Variants in BMPER observed in about 807,000 individuals in gnomAD.
BMPER encodes BMP binding endothelial regulator, also known as BMP-binding endothelial regulator protein.
Under a neutral mutation model 87.3 loss-of-function variants are expected in BMPER, and 45 were observed. The observed-to-expected ratio is 0.52, with a 90% CI of 0.41 to 0.66. BMPER has a LOEUF of 0.66. Among genes scored for constraint, BMPER ranks in the 30% least tolerant of loss-of-function variants. The pLI is 0.00. For missense variants in BMPER, 784 were observed against 867.5 expected, an observed-to-expected ratio of 0.90 and a Z score of 1.21; for synonymous variants, 326 against 316.2, an observed-to-expected ratio of 1.03 and a Z score of -0.33.
intron 11 of BMPER, among the ~76,000 whole-genome samples, chr7:34,068,626 G>GT (rs939727368): frequency 4.6e-5 from 7 of 151,588 alleles, no homozygotes; most frequent in Non-Finnish European, 7.4e-5. Flanking sequence ...AGTTTTTCCA[G>GT]TTTTTTTTTC....
chr7:33,955,000 C>T (rs935984833), intron 3 of BMPER, among the ~76,000 whole-genome samples: 3 of 152,176 alleles, frequency 2.0e-5, no homozygotes, highest in Admixed American at 1.3e-4. Flanking sequence ...CGGGTTCAAG[C>T]GATTCTCCTG....
chr7:33,954,623 A>C (rs1332624577), intron 3 of BMPER, among the ~76,000 whole-genome samples: 1 of 152,216 alleles, frequency 6.6e-6, no homozygotes, highest in Non-Finnish European at 1.5e-5. Context: ...CAGAGTTACT[A>C]ATGAAAGAAA....
At chr7:34,031,059 A>G (rs906174283) in intron 6 of BMPER, among the ~76,000 whole-genome samples, 1 of 152,138 alleles carries the variant, frequency 6.6e-6, no homozygotes, top group African/African-American at 2.4e-5. Flanking sequence ...CAGGCTGGGA[A>G]TACGACAATT....
intron 3 of BMPER, among the ~76,000 whole-genome samples, chr7:33,960,403 TA>T (rs573991857): frequency 2.1e-4 from 32 of 152,264 alleles, no homozygotes; most frequent in African/African-American, 7.0e-4. Context: ...AGTGGTTCAT[TA>T]AAAAAATTGT....
chr7:33,977,023 T>C (rs550876457), intron 6 of BMPER, among the ~76,000 whole-genome samples: 2 of 152,322 alleles, frequency 1.3e-5, no homozygotes, highest in African/African-American at 4.8e-5. Flanking sequence ...TCCTCAGCAC[T>C]CAAAGGGCAA....
intron 13 of BMPER, among the ~76,000 whole-genome samples, chr7:34,096,562 G>A (rs1034546130): frequency 2.0e-5 from 3 of 152,064 alleles, no homozygotes; most frequent in African/African-American, 7.2e-5. Context: ...CTGTTTATTC[G>A]GAAATCTGAG....
rs1183639875 is a variant in BMPER, at chr7:33,906,830, A to T, written c.146A>T (p.Lys49Ile). 2 of 1,613,644 alleles carry T rather than the reference A, an allele frequency of 1.2e-6. No homozygotes were observed. The highest frequency in any genetic ancestry group is 1.7e-6 in the Non-Finnish European group (2 of 1,179,742). Residue 49 changes from lysine to isoleucine, a missense_variant, in exon 2 of 15, where the codon AAA becomes ATA. By Grantham distance (102) the Lys-to-Ile change is moderately radical. Coordinates refer to ENST00000649409, the MANE Select transcript of BMPER (RefSeq NM_001365308.1). ...ASSFLTGSVAKCENEGEVLQI... is the reference protein window; with the variant it reads ...ASSFLTGSVAICENEGEVLQI... ...CCCTGAATTTCAGGTTCTGTTGCAA[A>T]ATGTGAAAATGAAGGTGAAGTCCTC...
intron 6 of BMPER, among the ~76,000 whole-genome samples, chr7:34,009,956 T>C (rs964036427): frequency 7.2e-5 from 11 of 151,980 alleles, no homozygotes; most frequent in Non-Finnish European, 1.5e-4. Context: ...GGTGACCTTC[T>C]AGGTAATTAT....
rs775724121 is a variant in BMPER at position 34,153,077 on chromosome 7, CCTT to C, written c.1877-12_1877-10del. 2 of 1,613,908 alleles carry C rather than the reference CCTT, an allele frequency of 1.2e-6. No individual in the cohort carries two copies. The highest frequency in any genetic ancestry group is 2.2e-5 in the South Asian group (2 of 91,068). ...CTTTCTCCATGTTATGCCTTTGTCT[CCTT>C]CTCTTTTTCAGCCACCCAGTGTAAG... On this transcript the variant is annotated splice_polypyrimidine_tract_variant and intron_variant, in intron 14 of 14. Transcript: ENST00000649409.
intron 3 of BMPER, among the ~76,000 whole-genome samples, chr7:33,953,551 A>T (rs1211341986): frequency 6.6e-6 from 1 of 152,126 alleles, no homozygotes; most frequent in Non-Finnish European, 1.5e-5. Flanking sequence ...CTTGTAAAAT[A>T]CTCAGATGCC....
At chr7:34,026,350 G>T (rs1787357218) in intron 6 of BMPER, among the ~76,000 whole-genome samples, 2 of 152,048 alleles carry the variant, frequency 1.3e-5, no homozygotes, top group Non-Finnish European at 2.9e-5. Flanking sequence ...TTTTCCATTG[G>T]ATTATTTCCT....
intron 6 of BMPER, among the ~76,000 whole-genome samples, chr7:34,004,664 C>T (rs1786677558): frequency 6.6e-6 from 1 of 152,130 alleles, no homozygotes; most frequent in African/African-American, 2.4e-5. Flanking sequence ...TGGCCAGTGA[C>T]TCTGCTCGGT....
At chr7:33,957,118 G>A (rs546404289) in intron 3 of BMPER, among the ~76,000 whole-genome samples, 6 of 152,112 alleles carry the variant, frequency 3.9e-5, no homozygotes, top group African/African-American at 1.2e-4. Flanking sequence ...AAAAACTTGT[G>A]TTCACATAGA....
At chr7:33,938,100 G>C (rs918472051) in intron 3 of BMPER, among the ~76,000 whole-genome samples, 1 of 152,096 alleles carries the variant, frequency 6.6e-6, no homozygotes, top group East Asian at 1.9e-4. Context: ...CATGGATACC[G>C]CAGTGGTGTG....
intron 13 of BMPER, among the ~76,000 whole-genome samples, chr7:34,118,230 G>A (rs1228851019): frequency 4.0e-5 from 6 of 151,296 alleles, no homozygotes; most frequent in South Asian, 2.1e-4. Context: ...GCTTGAACCC[G>A]GGAGGCGGAG....
At chr7:33,928,014 G>A (rs1383568453) in intron 2 of BMPER, among the ~76,000 whole-genome samples, 5 of 152,168 alleles carry the variant, frequency 3.3e-5, no homozygotes, top group Non-Finnish European at 5.9e-5. Flanking sequence ...GGCCTCCTGC[G>A]TGTGAAGCTG....
chr7:34,153,475 T>C lies in BMPER; in HGVS notation c.*202T>C, dbSNP rs1009734034. On this transcript the variant is annotated 3_prime_UTR_variant, in exon 15 of 15. Transcript: ENST00000649409. ...GGGGGATTATTATATGTATATTTTT[T>C]GCTATAAGACATGTATTGTTTCTAG... The C allele has an allele frequency of 1.7e-6, 1 of 595,676 alleles. No homozygotes were observed. The highest frequency in any genetic ancestry group is 1.9e-5 in the African/African-American group (1 of 53,874). The allele number at this position is 595,676 out of a possible 1,614,324, so 36.9% of individuals were successfully genotyped here.
intron 13 of BMPER, among the ~76,000 whole-genome samples, chr7:34,089,776 G>A (rs923033845): frequency 3.3e-5 from 5 of 152,214 alleles, no homozygotes; most frequent in Non-Finnish European, 5.9e-5. Context: ...GAGCCACTGT[G>A]CCCACCCTGC....
intron 12 of BMPER, among the ~76,000 whole-genome samples, 195 bp from the exon 13 acceptor site, chr7:34,085,561 C>T (rs866439995): frequency 2.0e-5 from 3 of 152,142 alleles, no homozygotes; most frequent in Middle Eastern, 3.2e-3. Flanking sequence ...TAAGCTCCAA[C>T]CAGCAAATGA....
Sources: gnomAD v4.1 joint callset for allele counts (sites outside exome capture counted in the v4.1 genomes callset) on GRCh38, gnomAD v4.1.1 for gene constraint, MANE v1.5 for transcripts, NCBI Gene and HGNC (gene_info 2026-07-23, HGNC 2026-07-21) for gene names.